ACAD10: variants seen among roughly 807,000 people sequenced by gnomAD.
ACAD10 encodes acyl-CoA dehydrogenase family member 10, also known as ACAD-10.
In ACAD10, 112 loss-of-function variants were observed where a neutral mutation model predicts 116.8. That is an observed-to-expected ratio of 0.96 (90% CI 0.82 to 1.12). The LOEUF is 1.12. Among genes scored for constraint, ACAD10 ranks in the 50% most tolerant of loss-of-function variants. The pLI is 0.00. For missense variants in ACAD10, 1,259 were observed against 1,350.2 expected (o/e 0.93, Z 1.06); for synonymous variants, 486 against 510.6 (o/e 0.95, Z 0.65).
intron 10 of ACAD10, among the ~76,000 whole-genome samples, chr12:111,731,767 A>G (rs1889391448): frequency 6.6e-6 from 1 of 152,222 alleles, no homozygotes; most frequent in Non-Finnish European, 1.5e-5. Context: ...GGGAGCATAA[A>G]CTGCTGCAGC....
intron 2 of ACAD10, among the ~76,000 whole-genome samples, chr12:111,697,679 G>T (rs1888230462): frequency 6.6e-6 from 1 of 151,016 alleles, no homozygotes; most frequent in South Asian, 2.1e-4. Context: ...TCGCCTCCCG[G>T]GTTCACACCA....
intron 12 of ACAD10, among the ~76,000 whole-genome samples, chr12:111,743,479 G>A (rs1407524092): frequency 6.6e-6 from 1 of 151,678 alleles, no homozygotes; most frequent in Admixed American, 6.6e-5. Flanking sequence ...TGGGACTACA[G>A]GCATGTGCCA....
intron 10 of ACAD10, among the ~76,000 whole-genome samples, chr12:111,731,471 G>A (rs1011411708): frequency 6.6e-6 from 1 of 152,178 alleles, no homozygotes; most frequent in African/African-American, 2.4e-5. Context: ...TGTGTCACCA[G>A]CCCACAACAG....
rs1890007109 is a variant in ACAD10, at chr12:111,749,363, C to T, written c.2817+18C>T. On this transcript the variant is annotated intron_variant, in intron 18 of 20. Transcript: ENST00000313698. ...AGGCCCGCGTGAGTGCTTTCCCCCGCACCCAGCACTGACTCAGAACCACCA... is the reference window on the plus strand; with the variant it reads ...AGGCCCGCGTGAGTGCTTTCCCCCGTACCCAGCACTGACTCAGAACCACCA... 2 of 1,595,736 alleles carry T rather than the reference C, an allele frequency of 1.3e-6. No homozygotes were observed. The highest frequency in any genetic ancestry group is 1.3e-5 in the African/African-American group (1 of 74,528).
chr12:111,694,649 C>T (rs1273778446), intron 2 of ACAD10, among the ~76,000 whole-genome samples: 1 of 152,098 alleles, frequency 6.6e-6, no homozygotes, highest in Non-Finnish European at 1.5e-5. Context: ...CAAATGATGT[C>T]ATCAGCCTCC....
intron 6 of ACAD10, among the ~76,000 whole-genome samples, chr12:111,714,964 C>G (rs1004499724): frequency 6.6e-6 from 1 of 152,252 alleles, no homozygotes; most frequent in East Asian, 1.9e-4. Flanking sequence ...GATCTACCCG[C>G]CTTGGCCTCC....
chr12:111,688,470 A>C (rs1271424056), intron 1 of ACAD10, among the ~76,000 whole-genome samples: 1 of 151,600 alleles, frequency 6.6e-6, no homozygotes, highest in African/African-American at 2.4e-5. Flanking sequence ...ACCTATGTAC[A>C]CCCTCCTATA....
chr12:111,706,782 A>ATATTTTTTTTT (rs778649893), intron 4 of ACAD10, among the ~76,000 whole-genome samples: 12 of 126,502 alleles, frequency 9.5e-5, no homozygotes, highest in African/African-American at 3.2e-4. Context: ...ATATATATAT[A>ATATTTTTTTTT]TTTTTTTTTT....
chr12:111,727,008 C>A (rs983264026), intron 8 of ACAD10, among the ~76,000 whole-genome samples: 1 of 151,838 alleles, frequency 6.6e-6, no homozygotes, highest in African/African-American at 2.4e-5. Context: ...GTCAGATTAC[C>A]TGAGGTCAGG....
chr12:111,751,592 A>G (rs1278917318), intron 18 of ACAD10, among the ~76,000 whole-genome samples: 1 of 151,996 alleles, frequency 6.6e-6, no homozygotes, highest in Admixed American at 6.6e-5. Context: ...TTAGCTGGGC[A>G]TGGTGGCACA....
intron 3 of ACAD10, among the ~76,000 whole-genome samples, chr12:111,705,529 T>G (rs910535732): frequency 1.1e-4 from 16 of 152,214 alleles, no homozygotes; most frequent in African/African-American, 3.9e-4. Context: ...AGCCTATAAC[T>G]CTAGTCCTGG....
chr12:111,749,428 T>G, intron 18 of ACAD10, 83 bp downstream of exon 18: 1 of 1,519,058 alleles, frequency 6.6e-7, no homozygotes, highest in Non-Finnish European at 8.8e-7. Flanking sequence ...CTACCTGTTT[T>G]CTGAGTGCAG....
chr12:111,735,485 T>C (rs1593045268), intron 11 of ACAD10, among the ~76,000 whole-genome samples: 1 of 151,880 alleles, frequency 6.6e-6, no homozygotes, highest in East Asian at 1.9e-4. Flanking sequence ...AGACGGAGTC[T>C]CGCTCTGTTG....
At chr12:111,748,534 C>A in intron 17 of ACAD10, 59 bp downstream of exon 17, 1 of 1,593,756 alleles carries the variant, frequency 6.3e-7, no homozygotes, top group Non-Finnish European at 8.6e-7. Context: ...GGAAACACCA[C>A]TGAGGGGCCC....
chr12:111,705,647 C>T (rs143639667), intron 3 of ACAD10, 91 bp from the exon 4 acceptor site: 106 of 1,215,542 alleles, frequency 8.7e-5, no homozygotes, highest in Non-Finnish European at 1.2e-4. Flanking sequence ...AGCAGAAGGA[C>T]GCCAGGAATA....
chr12:111,722,685 A>G (rs914150148), intron 8 of ACAD10, among the ~76,000 whole-genome samples: 14 of 152,150 alleles, frequency 9.2e-5, no homozygotes, highest in African/African-American at 3.4e-4. Context: ...CATGTTTCAG[A>G]GAGCACAGGG....
chr12:111,717,097 G>A (rs1182777600), intron 7 of ACAD10, among the ~76,000 whole-genome samples: 1 of 152,052 alleles, frequency 6.6e-6, no homozygotes, highest in Non-Finnish European at 1.5e-5. Flanking sequence ...TTTACAACTG[G>A]GAAAAGTAAG....
intron 2 of ACAD10, chr12:111,693,147 A>AG: frequency 2.0e-6 from 1 of 499,372 alleles, no homozygotes; most frequent in East Asian, 3.7e-5. Context: ...GATTTGGCGG[A>AG]GAGTTATCCG....
At chr12:111,715,298 A>G (rs1566150201) in intron 6 of ACAD10, among the ~76,000 whole-genome samples, 2 of 152,228 alleles carry the variant, frequency 1.3e-5, no homozygotes, top group Non-Finnish European at 2.9e-5. Context: ...CAAGGGAGCC[A>G]CAGAATTCAG....
Sources: gnomAD v4.1 joint callset for allele counts (sites outside exome capture counted in the v4.1 genomes callset) on GRCh38, gnomAD v4.1.1 for gene constraint, MANE v1.5 for transcripts, NCBI Gene and HGNC (gene_info 2026-07-23, HGNC 2026-07-21) for gene names.